The following HPSE2 variants were observed in gnomAD, a reference collection of about 807,000 sequenced individuals.
HPSE2 encodes inactive heparanase-2.
Under a neutral mutation model 60.5 loss-of-function variants are expected in HPSE2, and 38 were observed. That is an observed-to-expected ratio of 0.63 (90% CI 0.48 to 0.82). HPSE2 has a LOEUF of 0.82. Among genes scored for constraint, HPSE2 ranks in the 40% least tolerant of loss-of-function variants. The pLI is 0.00. For synonymous variants in HPSE2, 295 were observed against 293.2 expected (o/e 1.01, Z -0.06); for missense variants, 713 against 740.4 (o/e 0.96, Z 0.43).
At chr10:98,598,831 A>G (rs1218870466) in intron 9 of HPSE2, among the ~76,000 whole-genome samples, 1 of 151,774 alleles carries the variant, frequency 6.6e-6, no homozygotes, top group Non-Finnish European at 1.5e-5. Flanking sequence ...CTGGGTCTAT[A>G]AGGGCTGGTA....
At chr10:99,125,954 G>C (rs1354731905) in intron 3 of HPSE2, among the ~76,000 whole-genome samples, 9 of 152,188 alleles carry the variant, frequency 5.9e-5, no homozygotes, top group Admixed American at 5.9e-4. Context: ...TTTTGACTGG[G>C]AGTGAATTTT....
chr10:99,131,661 T>C (rs756168248), intron 3 of HPSE2, among the ~76,000 whole-genome samples: 1 of 152,124 alleles, frequency 6.6e-6, no homozygotes, highest in African/African-American at 2.4e-5. Context: ...CCAAACATTG[T>C]ATGTTCTCAC....
intron 3 of HPSE2, among the ~76,000 whole-genome samples, chr10:98,966,407 GAGA>G (rs2135252060): frequency 6.6e-6 from 1 of 152,326 alleles, no homozygotes; most frequent in Non-Finnish European, 1.5e-5. Flanking sequence ...TAAGGTGGCA[GAGA>G]AGGAGAAGCA....
intron 3 of HPSE2, among the ~76,000 whole-genome samples, chr10:98,817,648 T>C (rs1051903907): frequency 1.3e-5 from 2 of 152,172 alleles, no homozygotes; most frequent in African/African-American, 4.8e-5. Flanking sequence ...CTCCAACCTC[T>C]ATGTCCTACA....
intron 7 of HPSE2, among the ~76,000 whole-genome samples, chr10:98,625,974 C>CG: frequency 6.6e-6 from 1 of 151,986 alleles, no homozygotes; most frequent in East Asian, 1.9e-4. Flanking sequence ...GGTGTGGTGG[C>CG]GGGTGCCTGT....
Position 99,131,623 on chromosome 10 carries a change from T to C in HPSE2, c.610+12615A>G, listed in dbSNP as rs200398330. 5.3e-5 allele frequency among the ~76,000 whole-genome samples: 8 copies of C among 152,270 alleles called. No individual in the cohort carries two copies. In the East Asian group the frequency reaches 1.4e-3, roughly 26 times the overall value. On this transcript the variant is annotated intron_variant, in intron 3 of 11. Transcript: ENST00000370552. ...TGGATGGAACTGGAGACCATTATTG[T>C]AAGTGAAGTAACTCAGGGATTGGAA...
At chr10:99,302,688 T>C in the HPSE2 span, among the ~76,000 whole-genome samples, 1 of 152,170 alleles carries the variant, frequency 6.6e-6, no homozygotes, top group Non-Finnish European at 1.5e-5. Flanking sequence ...TTTCCATGAC[T>C]CCTCACCTTT....
rs1950960798 is a variant in HPSE2 at position 98,803,270 on chromosome 10, T to C, written c.611-59214A>G. Among the ~76,000 whole-genome samples the C allele has an allele frequency of 4.0e-5, 6 of 150,428 alleles. No homozygotes were observed. In the South Asian group the frequency reaches 1.2e-3, roughly 31 times the overall value. On this transcript the variant is annotated intron_variant, in intron 3 of 11. Coordinates refer to ENST00000370552, the MANE Select transcript of HPSE2 (RefSeq NM_021828.5). ...CAAAAATTTTCTCCCATTTTGTAGG[T>C]TGCCTGTTCACTCTGATGGTAGTTT... is the stretch of plus-strand genomic sequence containing the variant.
rs142689596 is a variant in HPSE2, at chr10:98,661,549, A to G, written c.1005-19609T>C. On this transcript the variant is annotated intron_variant, in intron 6 of 11. Coordinates refer to ENST00000370552, the MANE Select transcript of HPSE2 (RefSeq NM_021828.5). Reference sequence around the variant, plus strand: ...AGCAGAGTATATATTTCCCCAAAACATATTTTTATATAATATTCTATGCAC... The same window carrying G: ...AGCAGAGTATATATTTCCCCAAAACGTATTTTTATATAATATTCTATGCAC... Among the ~76,000 whole-genome samples, 498 of 152,286 alleles carry G rather than the reference A, an allele frequency of 3.3e-3. 2 individuals are homozygous for G. Among genetic ancestry groups the G allele is most frequent in the Middle Eastern group, 6.8e-3 (2 of 294 alleles).
At chr10:99,143,836 T>G (rs1319222499) in intron 3 of HPSE2, among the ~76,000 whole-genome samples, 1 of 152,194 alleles carries the variant, frequency 6.6e-6, no homozygotes, top group African/African-American at 2.4e-5. Context: ...GAATAGAACA[T>G]TCTCTGCTCT....
In HPSE2 at chr10:98,908,683, CAAAAAAAAAA is replaced by C. The variant is rs35913499; in HGVS notation, c.611-164637_611-164628del. Among the ~76,000 whole-genome samples, 5 of 66,106 alleles carry C rather than the reference CAAAAAAAAAA, an allele frequency of 7.6e-5. No homozygotes were observed. The South Asian group carries it at 2.7e-3, about 35-fold the overall frequency. The allele number at this position is 66,106 out of a possible 152,430, so 43.4% of individuals were successfully genotyped here. A position where few individuals can be genotyped will look rare whatever the true frequency, so the allele number is the denominator to read the frequency against. On this transcript the variant is annotated intron_variant, in intron 3 of 11. Coordinates refer to ENST00000370552, the MANE Select transcript of HPSE2 (RefSeq NM_021828.5). ...AGGCAACAAGAGCGTAGCTCCATCT[CAAAAAAAAAA>C]AAAAAAAAAAAAAAAAGATGGTATA...
At chr10:99,104,914 G>T (rs1467673092) in intron 3 of HPSE2, among the ~76,000 whole-genome samples, 1 of 152,104 alleles carries the variant, frequency 6.6e-6, no homozygotes, top group Admixed American at 6.5e-5. Flanking sequence ...GCCTGTCGTG[G>T]GGTCGGGGGA....
intron 7 of HPSE2, among the ~76,000 whole-genome samples, chr10:98,641,624 A>C (rs185439330): frequency 6.6e-6 from 1 of 152,254 alleles, no homozygotes; most frequent in Admixed American, 6.5e-5. Flanking sequence ...GAGACGCTTT[A>C]AACCTTGATA....
chr10:98,767,037 A>G (rs960887748), intron 3 of HPSE2, among the ~76,000 whole-genome samples: 10 of 152,242 alleles, frequency 6.6e-5, no homozygotes. Flanking sequence ...TGCTGAGAAT[A>G]TATCCGACAA....
At chr10:98,954,344 T>C (rs1230876934) in intron 3 of HPSE2, among the ~76,000 whole-genome samples, 1 of 151,754 alleles carries the variant, frequency 6.6e-6, no homozygotes, top group African/African-American at 2.4e-5. Flanking sequence ...GAGCACTAAG[T>C]TTGGGGAAGG....
chr10:98,902,020 T>G (rs1292048681), intron 3 of HPSE2, among the ~76,000 whole-genome samples: 1 of 152,182 alleles, frequency 6.6e-6, no homozygotes, highest in Non-Finnish European at 1.5e-5. Context: ...CTAGGTTTCC[T>G]AAAAATGCTA....
the HPSE2 span, among the ~76,000 whole-genome samples, chr10:99,266,806 G>A: frequency 6.6e-6 from 1 of 152,156 alleles, no homozygotes; most frequent in Non-Finnish European, 1.5e-5. Flanking sequence ...GAGACCTGAA[G>A]ATTGTTCACA....
chr10:98,998,485 T>C (rs1380609065), intron 3 of HPSE2, among the ~76,000 whole-genome samples: 1 of 152,220 alleles, frequency 6.6e-6, no homozygotes, highest in Non-Finnish European at 1.5e-5. Flanking sequence ...AGAAGGCTTC[T>C]TGTAAGAAGG....
At chr10:98,617,652 G>A (rs984929672) in intron 8 of HPSE2, among the ~76,000 whole-genome samples, 1 of 152,126 alleles carries the variant, frequency 6.6e-6, no homozygotes, top group Non-Finnish European at 1.5e-5. Flanking sequence ...CCCTCAGAGA[G>A]GGAAAGCAAT....
Sources: allele counts gnomAD v4.1 joint callset (sites outside exome capture counted in the v4.1 genomes callset), GRCh38; gene constraint gnomAD v4.1.1; transcripts MANE v1.5; gene names NCBI Gene and HGNC (gene_info 2026-07-23, HGNC 2026-07-21).